DLGAP2: variants seen among roughly 807,000 people sequenced by gnomAD.
DLGAP2 encodes disks large-associated protein 2.
In DLGAP2, 26 loss-of-function variants were observed where a neutral mutation model predicts 100.3. The observed-to-expected ratio is 0.26, with a 90% CI of 0.19 to 0.36. DLGAP2 has a LOEUF of 0.36. DLGAP2 is among the 10% of genes least tolerant of loss of function. The pLI, the probability that DLGAP2 is intolerant of heterozygous loss-of-function variation, is 1.00. For missense variants in DLGAP2, 1,858 were observed against 1,453.2 expected, an observed-to-expected ratio of 1.28 and a Z score of -4.53; for synonymous variants, 886 against 630.1, an observed-to-expected ratio of 1.41 and a Z score of -6.08.
intron 8 of DLGAP2, among the ~76,000 whole-genome samples, chr8:1,666,323 C>A (rs1007089674): frequency 1.3e-5 from 2 of 152,188 alleles, no homozygotes; most frequent in Non-Finnish European, 2.9e-5. Context: ...ATCTGATCAT[C>A]CTTCCTCAGT....
intron 1 of DLGAP2, among the ~76,000 whole-genome samples, chr8:824,210 G>T (rs1796643497): frequency 6.6e-6 from 1 of 151,978 alleles, no homozygotes; most frequent in African/African-American, 2.4e-5. Flanking sequence ...GAGTAGCTGG[G>T]CCTATAAGTA....
At chr8:1,098,791 C>CG (rs1804484240) in intron 2 of DLGAP2, among the ~76,000 whole-genome samples, 1 of 130,980 alleles carries the variant, frequency 7.6e-6, no homozygotes, top group African/African-American at 2.7e-5. Context: ...CTCCCGGCCG[C>CG]CCACGGACGC....
intron 2 of DLGAP2, among the ~76,000 whole-genome samples, chr8:1,044,539 G>A (rs1043260205): frequency 3.9e-5 from 6 of 152,228 alleles, no homozygotes; most frequent in African/African-American, 1.4e-4. Flanking sequence ...TTTGGGATCA[G>A]GAGTGTCAAA....
intron 2 of DLGAP2, chr8:1,137,710 T>C (rs1161901633): frequency 1.3e-5 from 2 of 152,234 alleles, no homozygotes; most frequent in East Asian, 3.8e-4. Context: ...TTCTACTATA[T>C]AAACTTCCCT....
chr8:1,157,789 A>C (rs1796818985), intron 2 of DLGAP2, among the ~76,000 whole-genome samples: 1 of 152,244 alleles, frequency 6.6e-6, no homozygotes, highest in Non-Finnish European at 1.5e-5. Flanking sequence ...TTTCAACACA[A>C]GGTCATCCTG....
intron 8 of DLGAP2, among the ~76,000 whole-genome samples, chr8:1,646,310 G>A (rs1431828484): frequency 6.6e-6 from 1 of 152,068 alleles, no homozygotes; most frequent in Non-Finnish European, 1.5e-5. Flanking sequence ...GCAGATCTCG[G>A]AACTCGTCAG....
chr8:969,560 A>C lies in DLGAP2; in HGVS notation c.73+61594A>C, dbSNP rs144707085. Among the ~76,000 whole-genome samples the C allele has an allele frequency of 1.8e-4, 28 of 152,132 alleles. 1 individual carries two copies. The East Asian group carries it at 5.4e-3, about 29-fold the overall frequency. On this transcript the variant is annotated intron_variant, in intron 2 of 14. Coordinates refer to ENST00000637795, the MANE Select transcript of DLGAP2 (RefSeq NM_001346810.2). Reference sequence around the variant, plus strand: ...CCAGTTAGAAAAAAAAAAAAGATATAAACTTAAATAATTATATTACCAACA... The same window carrying C: ...CCAGTTAGAAAAAAAAAAAAGATATCAACTTAAATAATTATATTACCAACA...
intron 4 of DLGAP2, among the ~76,000 whole-genome samples, chr8:1,516,995 A>C (rs7006320): frequency 0.72 from 108,759 of 151,970 alleles, 39,513 homozygotes; most frequent in African/African-American, 0.82. Context: ...CCAGTCCCCA[A>C]CAGCCCCAGG....
In DLGAP2 at chr8:917,981, T is replaced by C. The variant is rs371959260; in HGVS notation, c.73+10015T>C. Reference sequence around the variant, plus strand: ...ACTTTCTGAGATATGTAATGATTAATTTGTAGAGTGCAGAGACAAATTATT... The same window carrying C: ...ACTTTCTGAGATATGTAATGATTAACTTGTAGAGTGCAGAGACAAATTATT... On this transcript the variant is annotated intron_variant, in intron 2 of 14. Coordinates refer to ENST00000637795, the MANE Select transcript of DLGAP2 (RefSeq NM_001346810.2). Among the ~76,000 whole-genome samples the C allele has an allele frequency of 6.6e-5, 10 of 152,332 alleles. No individual in the cohort carries two copies. In the East Asian group the frequency reaches 1.9e-3, roughly 29 times the overall value.
intron 2 of DLGAP2, among the ~76,000 whole-genome samples, chr8:1,181,834 T>C (rs1241040788): frequency 6.6e-6 from 1 of 152,130 alleles, no homozygotes; most frequent in Non-Finnish European, 1.5e-5. Flanking sequence ...GAGTGACAGG[T>C]ACCACCTTCC....
intron 2 of DLGAP2, among the ~76,000 whole-genome samples, chr8:1,185,736 C>A (rs767204291): frequency 1.9e-5 from 2 of 102,882 alleles, no homozygotes; most frequent in African/African-American, 3.7e-5. Context: ...CTCACACTCA[C>A]ACACACACAC....
chr8:1,157,270 G>T (rs1408399778), intron 2 of DLGAP2, among the ~76,000 whole-genome samples: 1 of 152,110 alleles, frequency 6.6e-6, no homozygotes, highest in Non-Finnish European at 1.5e-5. Flanking sequence ...ATGTCCTCTC[G>T]TGGCACAGAT....
intron 2 of DLGAP2, among the ~76,000 whole-genome samples, chr8:969,889 C>G (rs922718923): frequency 6.6e-6 from 1 of 152,198 alleles, no homozygotes; most frequent in Non-Finnish European, 1.5e-5. Context: ...TGTATTACAT[C>G]TGTGGCCATT....
intron 2 of DLGAP2, among the ~76,000 whole-genome samples, chr8:1,221,959 T>C (rs1438096121): frequency 6.6e-6 from 1 of 152,242 alleles, no homozygotes; most frequent in African/African-American, 2.4e-5. Flanking sequence ...TGTTTGGTTC[T>C]GTCTGAAAAT....
chr8:912,987 G>A (rs560941104), intron 2 of DLGAP2, among the ~76,000 whole-genome samples: 7 of 152,344 alleles, frequency 4.6e-5, no homozygotes, highest in Non-Finnish European at 8.8e-5. Context: ...GCAGGGTGGC[G>A]AGTTGTTTAG....
intron 3 of DLGAP2, among the ~76,000 whole-genome samples, chr8:1,482,729 G>T (rs1799130382): frequency 6.6e-6 from 1 of 152,240 alleles, no homozygotes; most frequent in Non-Finnish European, 1.5e-5. Flanking sequence ...TCCTTCCACA[G>T]CTGTAGCCCT....
At chr8:963,983 C>T (rs931390102) in intron 2 of DLGAP2, among the ~76,000 whole-genome samples, 14 of 152,078 alleles carry the variant, frequency 9.2e-5, no homozygotes, top group Admixed American at 5.9e-4. Flanking sequence ...TCAACTTAGT[C>T]GACCCAAATG....
chr8:896,422 G>A (rs986845111), intron 1 of DLGAP2, among the ~76,000 whole-genome samples: 6 of 151,982 alleles, frequency 3.9e-5, no homozygotes, highest in Admixed American at 2.0e-4. Flanking sequence ...AGGGCGGGGG[G>A]GCTGGGTGGT....
chr8:1,255,029 C>CA (rs1554426525), intron 2 of DLGAP2, among the ~76,000 whole-genome samples: 1 of 107,526 alleles, frequency 9.3e-6, no homozygotes, highest in African/African-American at 3.6e-5. Flanking sequence ...TGTGTGTCTT[C>CA]TCCTGCCCAG....
Sources: gnomAD v4.1 joint callset for allele counts (sites outside exome capture counted in the v4.1 genomes callset) on GRCh38, gnomAD v4.1.1 for gene constraint, MANE v1.5 for transcripts, NCBI Gene and HGNC (gene_info 2026-07-23, HGNC 2026-07-21) for gene names.